IGF1R: variants seen among roughly 807,000 people sequenced by gnomAD.
IGF1R encodes the protein insulin-like growth factor 1 receptor.
A neutral mutation model predicts 144.6 loss-of-function variants in IGF1R; 44 were observed. The observed-to-expected ratio is 0.30, with a 90% CI of 0.24 to 0.39. IGF1R has a LOEUF of 0.39. IGF1R is among the 10% of genes least tolerant of loss of function. The pLI, the probability that IGF1R is intolerant of heterozygous loss-of-function variation, is 1.00. For synonymous variants in IGF1R, 795 were observed against 722.8 expected (o/e 1.10, Z -1.60); for missense variants, 1,355 against 1,833.7 (o/e 0.74, Z 4.77).
At chr15:98,715,377 C>G (rs902320091) in intron 2 of IGF1R, among the ~76,000 whole-genome samples, 1 of 152,134 alleles carries the variant, frequency 6.6e-6, no homozygotes, top group Non-Finnish European at 1.5e-5. Context: ...TCTAAGAGAC[C>G]AAAAAGCTTT....
At chr15:98,908,304 T>C (rs1169143205) in intron 5 of IGF1R, among the ~76,000 whole-genome samples, 2 of 152,222 alleles carry the variant, frequency 1.3e-5, no homozygotes, top group Non-Finnish European at 2.9e-5. Context: ...GCTGTTCCGA[T>C]TGGGTAGCAG....
At position 98,936,803 on chromosome 15, in the gene IGF1R, C is replaced by T. The variant is rs1445872676; in HGVS notation, c.3297+1377C>T. ...ACAAAACTCCCACCCTCTGTTCTGC[C>T]AAGCATTGGTCCCCAGCACCCCTGG... On this transcript the variant is annotated intron_variant, in intron 17 of 20. Transcript: ENST00000650285. Among the ~76,000 whole-genome samples, 5 of 152,128 alleles carry T rather than the reference C, an allele frequency of 3.3e-5. No individual in the cohort carries two copies. In the East Asian group the frequency reaches 9.6e-4, roughly 29 times the overall value.
intron 2 of IGF1R, among the ~76,000 whole-genome samples, chr15:98,755,718 CAAAAAAAAAAAAAAAAAAAAA>C (rs56121011): frequency 1.7e-4 from 6 of 34,474 alleles, no homozygotes; most frequent in East Asian, 2.5e-3. Context: ...AACTCCATTG[CAAAAAAAAAAAAAAAAAAAAA>C]AAAAAAAAAA....
intron 2 of IGF1R, among the ~76,000 whole-genome samples, chr15:98,762,759 C>CAA (rs1567116284): frequency 2.0e-5 from 3 of 151,638 alleles, no homozygotes. Context: ...AAAACAAAAA[C>CAA]AAAACAGGCT....
At chr15:98,768,547 G>A in intron 2 of IGF1R, among the ~76,000 whole-genome samples, 1 of 150,494 alleles carries the variant, frequency 6.6e-6, no homozygotes, top group Non-Finnish European at 1.5e-5. Flanking sequence ...CCAGAGAGTT[G>A]GAGGTTGCAG....
In IGF1R at chr15:98,908,721, G is replaced by T. The variant is rs1199350291; in HGVS notation, c.1284G>T (p.Leu428Phe). ...TCTACGTCCTCGACAACCAGAACTTGCAGCAACTGTGGGACTGGGACCACC... is the reference window on the plus strand; with the variant it reads ...TCTACGTCCTCGACAACCAGAACTTTCAGCAACTGTGGGACTGGGACCACC... ...YSFYVLDNQN[L>F]QQLWDWDHRN... The change falls in exon 6 of 21, where the codon TTG (leucine) becomes TTT (phenylalanine). Residue 428 changes from leucine to phenylalanine, a missense_variant. This residue lies in a region of IGF1R where 880 missense variants were observed against 1,202.7 expected (regional missense o/e 0.73). Coordinates refer to ENST00000650285, the MANE Select transcript of IGF1R (RefSeq NM_000875.5). The T allele has an allele frequency of 6.2e-7, 1 of 1,614,020 alleles. No individual in the cohort carries two copies. The highest frequency in any genetic ancestry group is 8.5e-7 in the Non-Finnish European group (1 of 1,180,032).
intron 2 of IGF1R, among the ~76,000 whole-genome samples, chr15:98,753,066 G>A (rs2055056642): frequency 6.6e-6 from 1 of 151,126 alleles, no homozygotes; most frequent in African/African-American, 2.4e-5. Context: ...CTCCCAAGTA[G>A]CTAGGACTAC....
intron 1 of IGF1R, chr15:98,651,152 C>A (rs1257761193): frequency 2.6e-6 from 2 of 762,900 alleles, no homozygotes; most frequent in Non-Finnish European, 3.2e-6. Context: ...TGAGCCTTCA[C>A]GAGTGAGGCG....
chr15:98,795,964 T>C (rs1317407037), intron 2 of IGF1R, among the ~76,000 whole-genome samples: 1 of 152,246 alleles, frequency 6.6e-6, no homozygotes. Flanking sequence ...TTTGGATATC[T>C]GAAACATCAA....
chr15:98,956,969 G>T, intron 20 of IGF1R, 92 bp from the exon 21 acceptor site: 2 of 1,395,312 alleles, frequency 1.4e-6, no homozygotes, highest in South Asian at 1.2e-5. Flanking sequence ...CCGTACGCTT[G>T]TATGCGGGAA....
Position 98,708,361 on chromosome 15 carries a change from C to G in IGF1R, c.640+254C>G, listed in dbSNP as rs2053916435. On this transcript the variant is annotated intron_variant, in intron 2 of 20. Coordinates refer to ENST00000650285, the MANE Select transcript of IGF1R (RefSeq NM_000875.5). ...CATCATGGCTGCTGTCAAGACTGTT[C>G]AAATCACATGTTAGAAATAATCCAG... Among the ~76,000 whole-genome samples, 3 of 152,148 alleles carry G rather than the reference C, an allele frequency of 2.0e-5. No individual in the cohort carries two copies. The South Asian group carries it at 6.2e-4, about 32-fold the overall frequency.
intron 1 of IGF1R, among the ~76,000 whole-genome samples, chr15:98,689,457 C>T (rs1226836962): frequency 6.6e-6 from 1 of 151,440 alleles, no homozygotes; most frequent in African/African-American, 2.4e-5. Context: ...CAAATTCTGA[C>T]CTCAAGCCAT....
Position 98,899,070 on chromosome 15 carries a change from T to C in IGF1R, c.1103-407T>C, listed in dbSNP as rs114407404. The stretch of plus-strand genomic sequence containing the variant: ...GGAATTAGAAAGGCAGCAAAGGCAG[T>C]TCCTAATGAGATGGAGAAAATGTTG... On this transcript the variant is annotated intron_variant, in intron 4 of 20. Transcript: ENST00000650285. Among the ~76,000 whole-genome samples the C allele has an allele frequency of 3.8e-3, 575 of 152,350 alleles. 5 individuals are homozygous for C. Among genetic ancestry groups the C allele is most frequent in the African/African-American group, 0.013 (541 of 41,584 alleles).
intron 2 of IGF1R, among the ~76,000 whole-genome samples, chr15:98,788,954 A>G (rs1225795295): frequency 6.6e-6 from 1 of 152,028 alleles, no homozygotes; most frequent in African/African-American, 2.4e-5. Context: ...TATGCTCCAT[A>G]GTCAGTCAAA....
chr15:98,676,189 G>A (rs2053038972), intron 1 of IGF1R, among the ~76,000 whole-genome samples: 1 of 152,038 alleles, frequency 6.6e-6, no homozygotes, highest in Non-Finnish European at 1.5e-5. Context: ...TGCCCAAGCT[G>A]GAGTGCAGTG....
chr15:98,865,810 G>A (rs2012408303), intron 2 of IGF1R, among the ~76,000 whole-genome samples: 1 of 152,174 alleles, frequency 6.6e-6, no homozygotes, highest in African/African-American at 2.4e-5. Flanking sequence ...CGTGGTTCAC[G>A]ATCCATTTTA....
chr15:98,818,410 G>A (rs1234345189), intron 2 of IGF1R, among the ~76,000 whole-genome samples: 3 of 152,180 alleles, frequency 2.0e-5, no homozygotes, highest in African/African-American at 4.8e-5. Flanking sequence ...AGTCAGTCTA[G>A]CTGCTGGGTG....
chr15:98,869,696 A>G (rs111930386), intron 2 of IGF1R, among the ~76,000 whole-genome samples: 11 of 151,980 alleles, frequency 7.2e-5, no homozygotes, highest in African/African-American at 2.4e-4. Context: ...CACCCTCCCA[A>G]AGTGCTGGGA....
intron 17 of IGF1R, among the ~76,000 whole-genome samples, chr15:98,938,776 C>CCA (rs1217146851): frequency 6.6e-6 from 1 of 152,240 alleles, no homozygotes; most frequent in Non-Finnish European, 1.5e-5. Context: ...TTGCTTACTT[C>CCA]CACACAGCCT....
Sources: allele counts gnomAD v4.1 joint callset (sites outside exome capture counted in the v4.1 genomes callset), GRCh38; gene constraint gnomAD v4.1.1; regional missense constraint gnomAD v4.1.1; transcripts MANE v1.5; gene names NCBI Gene and HGNC (gene_info 2026-07-23, HGNC 2026-07-21).